RHBDD1: variants seen among roughly 807,000 people sequenced by gnomAD.
RHBDD1 encodes the protein rhomboid-related protein 4.
RHBDD1 carries 38 observed loss-of-function variants against 36.3 expected under a neutral mutation model. The ratio of observed to expected loss-of-function variants is 1.05; its 90% confidence interval spans 0.81 to 1.37. The LOEUF (loss-of-function observed/expected upper bound fraction) is 1.37. Among genes scored for constraint, RHBDD1 ranks in the 40% most tolerant of loss-of-function variants. The probability of loss-of-function intolerance (pLI) is 0.00; values close to 1 mark genes in which losing one functional copy is unlikely to be tolerated. For missense variants in RHBDD1, 393 were observed against 377.6 expected (o/e 1.04, Z -0.34); for synonymous variants, 151 against 136.5 (o/e 1.11, Z -0.74).
chr2:226,884,581 G>A (rs918360687), intron 5 of RHBDD1, among the ~76,000 whole-genome samples: 1 of 152,040 alleles, frequency 6.6e-6, no homozygotes, highest in Non-Finnish European at 1.5e-5. Flanking sequence ...AGCAATATAT[G>A]TCACTTCAGT....
intron 7 of RHBDD1, among the ~76,000 whole-genome samples, chr2:226,909,224 G>A (rs1948329120): frequency 1.3e-5 from 2 of 152,148 alleles, no homozygotes; most frequent in South Asian, 4.1e-4. Context: ...GGTTTTAGGT[G>A]TATAGTTCTC....
At chr2:226,875,603 T>C (rs1945163695) in intron 5 of RHBDD1, among the ~76,000 whole-genome samples, 1 of 152,142 alleles carries the variant, frequency 6.6e-6, no homozygotes. Flanking sequence ...GGAAAGTAAC[T>C]CTGATTTGAG....
chr2:226,851,027 G>A (rs1450348668), intron 3 of RHBDD1, among the ~76,000 whole-genome samples: 1 of 152,104 alleles, frequency 6.6e-6, no homozygotes, highest in Non-Finnish European at 1.5e-5. Flanking sequence ...TTTGAAACAA[G>A]GAACAAGAAG....
chr2:226,944,425 T>C (rs1039326814), intron 8 of RHBDD1, among the ~76,000 whole-genome samples: 1 of 152,086 alleles, frequency 6.6e-6, no homozygotes, highest in Admixed American at 6.6e-5. Flanking sequence ...ACTGTCAGAG[T>C]TAATAAGCAA....
At position 226,943,281 on chromosome 2, in the gene RHBDD1, A is replaced by G. The variant is rs142895096; in HGVS notation, c.856+28930A>G. 5.2e-3 allele frequency among the ~76,000 whole-genome samples: 786 copies of G among 152,356 alleles called. 7 individuals carry two copies. The highest frequency in any genetic ancestry group is 8.0e-3 in the Non-Finnish European group (541 of 68,036). Reference sequence around the variant, plus strand: ...ATTGTGCAAAAGTATAAAGATTACTATAAATATTAAACTGATTAAAATTAC... The same window carrying G: ...ATTGTGCAAAAGTATAAAGATTACTGTAAATATTAAACTGATTAAAATTAC... On this transcript the variant is annotated intron_variant, in intron 8 of 8. Coordinates refer to ENST00000392062, the MANE Select transcript of RHBDD1 (RefSeq NM_001167608.3).
intron 8 of RHBDD1, among the ~76,000 whole-genome samples, chr2:226,952,163 C>T (rs1486145109): frequency 6.6e-6 from 1 of 152,158 alleles, no homozygotes; most frequent in African/African-American, 2.4e-5. Flanking sequence ...TCTTTATCTC[C>T]TCATCTCCTC....
chr2:226,930,208 C>T (rs930263387), intron 8 of RHBDD1, among the ~76,000 whole-genome samples: 6 of 151,720 alleles, frequency 4.0e-5, no homozygotes, highest in African/African-American at 9.7e-5. Context: ...CAAAGCAGTC[C>T]GAAGCAAAAA....
intron 8 of RHBDD1, among the ~76,000 whole-genome samples, chr2:226,995,106 A>AG (rs1264392717): frequency 6.6e-6 from 1 of 152,164 alleles, no homozygotes; most frequent in Non-Finnish European, 1.5e-5. Context: ...CATAAAAAAA[A>AG]AAAGACAATA....
At chr2:226,849,767 C>T (rs1244880805) in intron 3 of RHBDD1, among the ~76,000 whole-genome samples, 1 of 152,198 alleles carries the variant, frequency 6.6e-6, no homozygotes, top group Non-Finnish European at 1.5e-5. Flanking sequence ...TCATCTGTAT[C>T]TATATCTATA....
chr2:226,843,604 A>C (rs1941907057), intron 3 of RHBDD1, among the ~76,000 whole-genome samples: 1 of 152,056 alleles, frequency 6.6e-6, no homozygotes, highest in Admixed American at 6.5e-5. Flanking sequence ...CCAACCTGGC[A>C]CCCCGGGATG....
intron 4 of RHBDD1, among the ~76,000 whole-genome samples, chr2:226,866,053 A>T (rs1032196932): frequency 5.3e-5 from 8 of 152,162 alleles, no homozygotes; most frequent in African/African-American, 1.9e-4. Context: ...AGATGGGATT[A>T]TCTTTATTTT....
At chr2:226,832,469 T>C (rs192081408), upstream of RHBDD1, among the ~76,000 whole-genome samples, 151 of 152,334 alleles carry the variant, frequency 9.9e-4, 1 homozygote, top group African/African-American at 3.5e-3. Flanking sequence ...CAGTGGTCTG[T>C]ACATGTTGGT....
chr2:226,906,958 A>T lies in RHBDD1; in HGVS notation c.655+77A>T, dbSNP rs556018160. 3,079 of 1,468,558 alleles carry T rather than the reference A, an allele frequency of 2.1e-3. 6 individuals are homozygous for T. The highest frequency in any genetic ancestry group is 2.7e-3 in the Non-Finnish European group (2,873 of 1,049,686). 91.0% of individuals were successfully genotyped at this position (1,468,558 alleles called of 1,614,324 possible). On this transcript the variant is annotated intron_variant, in intron 6 of 8. Coordinates refer to ENST00000392062, the MANE Select transcript of RHBDD1 (RefSeq NM_001167608.3). ...TTTTAATGTGAACAGAAGCAACCCC[A>T]AGTTTCCCTGTGGTTCAGCTCAAGA...
chr2:226,927,813 C>T (rs1180146831), intron 8 of RHBDD1, among the ~76,000 whole-genome samples: 1 of 151,912 alleles, frequency 6.6e-6, no homozygotes, highest in African/African-American at 2.4e-5. Context: ...GTTTTCTTAT[C>T]TTTGAGTTTA....
intron 3 of RHBDD1, among the ~76,000 whole-genome samples, chr2:226,863,353 C>A (rs1456622687): frequency 6.6e-6 from 1 of 152,128 alleles, no homozygotes; most frequent in Non-Finnish European, 1.5e-5. Context: ...TAAATAAATA[C>A]ATTCATTCAT....
At chr2:226,880,693 C>T (rs916762445) in intron 5 of RHBDD1, among the ~76,000 whole-genome samples, 4 of 152,212 alleles carry the variant, frequency 2.6e-5, no homozygotes, top group African/African-American at 9.6e-5. Context: ...TAGAGCACAA[C>T]TGGGGACACA....
chr2:226,947,185 T>G (rs1951044220), intron 8 of RHBDD1, among the ~76,000 whole-genome samples: 2 of 151,664 alleles, frequency 1.3e-5, no homozygotes, highest in African/African-American at 4.8e-5. Flanking sequence ...CCCATGCCTA[T>G]GTCCTGAATG....
chr2:226,821,521 T>C, the RHBDD1 span, among the ~76,000 whole-genome samples: 1 of 151,834 alleles, frequency 6.6e-6, no homozygotes, highest in Non-Finnish European at 1.5e-5. Flanking sequence ...ATTTTTTTAT[T>C]TTAATAATTA....
chr2:226,801,971 C>G, the RHBDD1 span, among the ~76,000 whole-genome samples: 1 of 152,032 alleles, frequency 6.6e-6, no homozygotes. Flanking sequence ...CAAATCAAAT[C>G]CATGGACATT....
Sources: gnomAD v4.1 joint callset for allele counts (sites outside exome capture counted in the v4.1 genomes callset) on GRCh38, gnomAD v4.1.1 for gene constraint, MANE v1.5 for transcripts, NCBI Gene and HGNC (gene_info 2026-07-23, HGNC 2026-07-21) for gene names.